CHST4: variants seen among roughly 807,000 people sequenced by gnomAD.
CHST4 encodes the protein GST-3.
For synonymous variants in CHST4, 171 were observed against 195.5 expected (o/e 0.87, Z 1.05); for missense variants, 466 against 506.0 (o/e 0.92, Z 0.76).
rs1489986644 is a variant in CHST4, at chr16:71,536,692, A to G, written c.15A>G (p.Lys5=). Residue 5 remains lysine (K), a synonymous_variant, in exon 2 of 2, where the codon AAA becomes AAG. Coordinates refer to ENST00000539698, the MANE Select transcript of CHST4 (RefSeq NM_001166395.2). ...ACTTCAGCACAATGCTACTGCCTAAAAAAATGAAGCTCCTGCTGTTTCTGG... is the reference window on the plus strand; with the variant it reads ...ACTTCAGCACAATGCTACTGCCTAAGAAAATGAAGCTCCTGCTGTTTCTGG... MLLP[K]KMKLLLFLVS... 6.7e-7 allele frequency: 1 copy of G among 1,491,976 alleles called. No homozygotes were observed. The highest frequency in any genetic ancestry group is 8.9e-7 in the Non-Finnish European group (1 of 1,122,594). The allele number at this position is 1,491,976 out of a possible 1,614,324, so 92.4% of individuals were successfully genotyped here.
At chr16:71,536,584 C>T in intron 1 of CHST4, 76 bp from the exon 2 acceptor site, 1 of 1,148,088 alleles carries the variant, frequency 8.7e-7, no homozygotes, top group Non-Finnish European at 1.2e-6. Context: ...GAGCAGGTGG[C>T]TTTGGCCAGA....
Position 71,537,848 on chromosome 16 carries a change from G to A in CHST4, c.*10G>A. 1 of 1,596,628 alleles carries A rather than the reference G, an allele frequency of 6.3e-7. No homozygotes were observed. ...TGAGCAAATCCACTAAGAGGGTTGA[G>A]AAGGCTTTGCTGCCACCTGGTGTCA... On this transcript the variant is annotated 3_prime_UTR_variant, in exon 2 of 2. Transcript: ENST00000539698. This position sits in a 1 kb window ranked among gnomAD's most constrained non-coding sequence, Gnocchi z 4.2.
intron 1 of CHST4, among the ~76,000 whole-genome samples, chr16:71,527,349 A>C (rs1205113999): frequency 6.6e-6 from 1 of 152,246 alleles, no homozygotes; most frequent in African/African-American, 2.4e-5. Context: ...ATGGCCGGTG[A>C]CACAGCCCTC....
intron 1 of CHST4, among the ~76,000 whole-genome samples, chr16:71,533,013 G>C (rs2043959508): frequency 6.6e-6 from 1 of 152,054 alleles, no homozygotes; most frequent in South Asian, 2.1e-4. Context: ...GCACAGAACA[G>C]ATAACTTGAA....
chr16:71,536,739 C>T lies in CHST4; in HGVS notation c.62C>T (p.Ala21Val), dbSNP rs2043991089. ...LFLVSQMAIL[A>V]LFFHMYSHNI... is the part of the protein sequence containing the mutation. ...CTGGTTTCCCAGATGGCCATCTTGG[C>T]TCTATTCTTCCACATGTACAGCCAC... is the stretch of plus-strand genomic sequence containing the variant. The change falls in exon 2 of 2, where the codon GCT becomes GTT. Residue 21 changes from alanine (A) to valine (V), a missense_variant. By Grantham distance (64) the Ala-to-Val change is moderately conservative (BLOSUM62 0). Transcript: ENST00000539698. 2 of 1,501,540 alleles carry T rather than the reference C, an allele frequency of 1.3e-6. No homozygotes were observed. 93.0% of individuals were successfully genotyped at this position (1,501,540 alleles called of 1,614,324 possible).
intron 1 of CHST4, among the ~76,000 whole-genome samples, chr16:71,530,094 T>C (rs1323182557): frequency 6.6e-6 from 1 of 151,600 alleles, no homozygotes. Context: ...GCTGAGATCA[T>C]GCCACTGCAC....
At chr16:71,534,344 CTTTCTTTTTTT>C (rs1296063356) in intron 1 of CHST4, among the ~76,000 whole-genome samples, 1 of 109,474 alleles carries the variant, frequency 9.1e-6, no homozygotes. Flanking sequence ...GGCAACATTT[CTTTCTTTTTTT>C]TTTTTTTTTT....
chr16:71,536,042 C>T (rs1457398733), intron 1 of CHST4, among the ~76,000 whole-genome samples: 1 of 152,102 alleles, frequency 6.6e-6, no homozygotes, highest in African/African-American at 2.4e-5. Flanking sequence ...TTTGAGGAGA[C>T]AATTCCAACT....
At chr16:71,533,026 T>C (rs569929126) in intron 1 of CHST4, among the ~76,000 whole-genome samples, 1 of 152,088 alleles carries the variant, frequency 6.6e-6, no homozygotes, top group Non-Finnish European at 1.5e-5. Context: ...AACTTGAAAT[T>C]TTTTTTTGAT....
In CHST4 at chr16:71,528,748, A is replaced by G. The variant is rs567039813; in HGVS notation, c.-19+2253A>G. Among the ~76,000 whole-genome samples the G allele has an allele frequency of 3.9e-5, 6 of 151,986 alleles. No individual in the cohort carries two copies. The South Asian group carries it at 6.2e-4, about 16-fold the overall frequency. Reference sequence around the variant, plus strand: ...AGTGGCTGGAACCCAGACTTCTTAAATTAGTATCTATCTGGTTTTTTTCCC... The same window carrying G: ...AGTGGCTGGAACCCAGACTTCTTAAGTTAGTATCTATCTGGTTTTTTTCCC... On this transcript the variant is annotated intron_variant, in intron 1 of 1. Coordinates refer to ENST00000539698, the MANE Select transcript of CHST4 (RefSeq NM_001166395.2).
chr16:71,527,972 C>T (rs980515463), intron 1 of CHST4, among the ~76,000 whole-genome samples: 1 of 152,046 alleles, frequency 6.6e-6, no homozygotes, highest in Non-Finnish European at 1.5e-5. Flanking sequence ...CTGAAACAGT[C>T]TCTCAGGTTA....
intron 1 of CHST4, among the ~76,000 whole-genome samples, chr16:71,530,885 A>G (rs2043943591): frequency 6.6e-6 from 1 of 152,110 alleles, no homozygotes; most frequent in Non-Finnish European, 1.5e-5. Context: ...GTTTGAGACC[A>G]GCCTGGCCAA....
At chr16:71,526,864 G>A (rs1397889928) in intron 1 of CHST4, among the ~76,000 whole-genome samples, 1 of 152,102 alleles carries the variant, frequency 6.6e-6, no homozygotes, top group Non-Finnish European at 1.5e-5. Context: ...TTTCTGCTGG[G>A]GAGTGGAAGA....
intron 1 of CHST4, among the ~76,000 whole-genome samples, chr16:71,533,967 G>A (rs1410151694): frequency 2.6e-5 from 4 of 151,334 alleles, no homozygotes; most frequent in African/African-American, 9.7e-5. Flanking sequence ...ACTTGAACCT[G>A]GGAGGAGGAG....
chr16:71,526,589 A>G (rs1331779894), intron 1 of CHST4, 94 bp downstream of exon 1: 2 of 152,214 alleles, frequency 1.3e-5, no homozygotes, highest in African/African-American at 4.8e-5. Flanking sequence ...CAGCTAAGCT[A>G]GAGATTACAG....
intron 1 of CHST4, 97 bp downstream of exon 1, chr16:71,526,592 G>T: frequency 6.6e-6 from 1 of 152,332 alleles, no homozygotes; most frequent in Non-Finnish European, 1.5e-5. Flanking sequence ...CTAAGCTAGA[G>T]ATTACAGTGG....
At chr16:71,532,930 T>C in intron 1 of CHST4, among the ~76,000 whole-genome samples, 1 of 152,244 alleles carries the variant, frequency 6.6e-6, no homozygotes, top group Middle Eastern at 3.4e-3. Context: ...GAAGCAACAA[T>C]GAATGAGGAA....
Position 71,538,188 on chromosome 16 carries a change from C to A in CHST4, c.*350C>A, listed in dbSNP as rs558052606. On this transcript the variant is annotated 3_prime_UTR_variant, in exon 2 of 2. Coordinates refer to ENST00000539698, the MANE Select transcript of CHST4 (RefSeq NM_001166395.2). ...GAATTGATCCATAAACCTCCCTGTCCACATCTTGCCCAATGGGGAATGGAT... is the reference window on the plus strand; with the variant it reads ...GAATTGATCCATAAACCTCCCTGTCAACATCTTGCCCAATGGGGAATGGAT... 4.2e-6 allele frequency: 1 copy of A among 236,546 alleles called. No homozygotes were observed. The highest frequency in any genetic ancestry group is 8.9e-6 in the Non-Finnish European group (1 of 112,418). The allele number at this position is 236,546 out of a possible 1,614,324, so 14.7% of individuals were successfully genotyped here.
chr16:71,531,153 G>A (rs75645526), intron 1 of CHST4, among the ~76,000 whole-genome samples: 16,731 of 152,150 alleles, frequency 0.11, 1,323 homozygotes, highest in South Asian at 0.36. Flanking sequence ...GAGAAAGGTC[G>A]ATGTCAAAGG....
Sources: allele counts gnomAD v4.1 joint callset (sites outside exome capture counted in the v4.1 genomes callset), GRCh38; gene constraint gnomAD v4.1.1; non-coding constraint Gnocchi (gnomAD v3.1); transcripts MANE v1.5; gene names NCBI Gene and HGNC (gene_info 2026-07-23, HGNC 2026-07-21).